MOV10L1: variants seen among roughly 807,000 people sequenced by gnomAD.
MOV10L1 encodes Mov10 like RNA helicase 1.
MOV10L1 carries 110 observed loss-of-function variants against 143.8 expected under a neutral mutation model. The ratio of observed to expected loss-of-function variants is 0.76; its 90% CI spans 0.66 to 0.90. The LOEUF (loss-of-function observed/expected upper bound fraction) is 0.90, where lower values mean the gene tolerates loss of function less well. Ranked by LOEUF, MOV10L1 falls within the 40% of genes least tolerant of loss-of-function variation. The pLI, the probability that MOV10L1 is intolerant of heterozygous loss-of-function variation, is 0.00. For synonymous variants in MOV10L1, 593 were observed against 581.1 expected, an observed-to-expected ratio of 1.02 and a Z score of -0.29; for missense variants, 1,406 against 1,526.8, an observed-to-expected ratio of 0.92 and a Z score of 1.32.
At chr22:50,119,988 T>C (rs2062293407) in intron 9 of MOV10L1, among the ~76,000 whole-genome samples, 1 of 152,182 alleles carries the variant, frequency 6.6e-6, no homozygotes, top group Non-Finnish European at 1.5e-5. Context: ...GCATTGGGCT[T>C]GGCTCCAGAG....
At chr22:50,129,577 G>T (rs1188132274) in intron 13 of MOV10L1, among the ~76,000 whole-genome samples, 2 of 152,190 alleles carry the variant, frequency 1.3e-5, no homozygotes, top group East Asian at 3.8e-4. Context: ...TCCTAGAGCT[G>T]CTGTGTATGT....
At chr22:50,100,766 A>C (rs965297430) in intron 3 of MOV10L1, among the ~76,000 whole-genome samples, 1 of 152,134 alleles carries the variant, frequency 6.6e-6, no homozygotes, top group Admixed American at 6.5e-5. Flanking sequence ...TGGCCTCCCA[A>C]AGTGCTGGGA....
intron 19 of MOV10L1, among the ~76,000 whole-genome samples, chr22:50,146,133 G>A (rs1361146625): frequency 6.6e-6 from 1 of 152,174 alleles, no homozygotes. Context: ...CGGCCTGAAA[G>A]GGGTGGTGAG....
intron 18 of MOV10L1, 136 bp from the exon 19 acceptor site, chr22:50,145,553 T>G: frequency 9.3e-7 from 1 of 1,073,886 alleles, no homozygotes; most frequent in Non-Finnish European, 1.4e-6. Flanking sequence ...GATAAGGAAG[T>G]ATGAGATATT....
chr22:50,126,278 A>G lies in MOV10L1; in HGVS notation c.1818+6A>G. 6.2e-7 allele frequency: 1 copy of G among 1,605,892 alleles called. No homozygotes were observed. The highest frequency in any genetic ancestry group is 8.5e-7 in the Non-Finnish European group (1 of 1,172,626). On this transcript the variant is annotated splice_donor_region_variant and intron_variant, in intron 12 of 26. Coordinates refer to ENST00000262794, the MANE Select transcript of MOV10L1 (RefSeq NM_018995.3). Reference sequence around the variant, plus strand: ...ACATCAGCTACGTGACTGAGGTGAGAGCACTCTCTCTTAATGAGTTTGTGT... The same window carrying G: ...ACATCAGCTACGTGACTGAGGTGAGGGCACTCTCTCTTAATGAGTTTGTGT...
rs772139085 is a variant in MOV10L1 at position 50,150,735 on chromosome 22, A to T, written c.2728A>T (p.Ile910Phe). Residue 910 changes from isoleucine to phenylalanine, a missense_variant and splice_region_variant, in exon 21 of 27, where the codon ATC (isoleucine) becomes TTC (phenylalanine). Ile to Phe is a conservative substitution (Grantham distance 21). This residue lies in a region of MOV10L1 where 1,233 missense variants were observed against 1,351.4 expected (regional missense o/e 0.91). Transcript: ENST00000262794. ...GCTGAGACGGGCCCTCTGTGTGCAG[A>T]TCGTGCTGGCAGGAGACCCCATGCA... ...LGLMSDISGQ[I>F]VLAGDPMQLG... is the part of the protein sequence containing the mutation. The T allele has an allele frequency of 1.9e-6, 3 of 1,613,586 alleles. No individual in the cohort carries two copies. The highest frequency in any genetic ancestry group is 2.5e-6 in the Non-Finnish European group (3 of 1,179,872).
At chr22:50,129,391 G>A (rs1356408019) in intron 13 of MOV10L1, among the ~76,000 whole-genome samples, 1 of 152,166 alleles carries the variant, frequency 6.6e-6, no homozygotes, top group Admixed American at 6.5e-5. Flanking sequence ...CTTTAGAAAA[G>A]GAGTAACTTG....
chr22:50,134,683 G>A (rs1175984475), intron 15 of MOV10L1, 53 bp downstream of exon 15: 3 of 1,518,342 alleles, frequency 2.0e-6, no homozygotes, highest in Non-Finnish European at 2.7e-6. Context: ...CAGCGACGTG[G>A]CTGTCTTTAC....
intron 22 of MOV10L1, among the ~76,000 whole-genome samples, chr22:50,153,600 G>C (rs960218761): frequency 1.3e-5 from 2 of 152,202 alleles, no homozygotes; most frequent in African/African-American, 4.8e-5. Flanking sequence ...CCCTCCCGGT[G>C]CTTCCCTCGA....
chr22:50,160,963 G>T lies in MOV10L1; in HGVS notation c.3463-1G>T. The T allele has an allele frequency of 6.2e-7, 1 of 1,614,128 alleles. No homozygotes were observed. Among genetic ancestry groups the T allele is most frequent in the Non-Finnish European group, 8.5e-7 (1 of 1,180,004 alleles). ...ACCAGGCTAATTGTTATTGCCAACA[G>T]GACCCCTGTTTTGGTGCTTTGCTGG... On this transcript the variant is annotated splice_acceptor_variant, in intron 25 of 26. Transcript: ENST00000262794. LOFTEE classifies it high-confidence loss of function.
At chr22:50,102,090 G>A (rs2061759380) in intron 3 of MOV10L1, among the ~76,000 whole-genome samples, 3 of 152,178 alleles carry the variant, frequency 2.0e-5, no homozygotes, top group Admixed American at 2.0e-4. Flanking sequence ...GGGATCCGGA[G>A]CCCAGGCCAA....
intron 19 of MOV10L1, chr22:50,147,293 G>A (rs375844384): frequency 0.097 from 14,697 of 150,994 alleles, 683 homozygotes; most frequent in Middle Eastern, 0.19. Context: ...TCTCAGAGGC[G>A]CTCTGTGCAG....
At chr22:50,132,625 G>A (rs998770276) in intron 13 of MOV10L1, among the ~76,000 whole-genome samples, 2 of 152,198 alleles carry the variant, frequency 1.3e-5, no homozygotes, top group Non-Finnish European at 2.9e-5. Flanking sequence ...TTTATAAAAA[G>A]CAATTGATTT....
chr22:50,114,317 T>C (rs956179206), intron 6 of MOV10L1, 64 bp from the exon 7 acceptor site: 1 of 1,568,494 alleles, frequency 6.4e-7, no homozygotes, highest in African/African-American at 1.4e-5. Flanking sequence ...TTGTGTTTTA[T>C]GATAACTGAA....
intron 3 of MOV10L1, among the ~76,000 whole-genome samples, chr22:50,107,340 G>A (rs1032287082): frequency 3.9e-5 from 6 of 152,184 alleles, no homozygotes; most frequent in African/African-American, 1.2e-4. Context: ...GGGATTACAG[G>A]CGTGAGCCAC....
intron 5 of MOV10L1, among the ~76,000 whole-genome samples, chr22:50,110,198 C>G (rs963049294): frequency 1.3e-5 from 2 of 151,834 alleles, no homozygotes; most frequent in African/African-American, 4.8e-5. Flanking sequence ...GCCCGTAATA[C>G]CAGCACTTTG....
chr22:50,144,985 C>A (rs917243834), intron 18 of MOV10L1, among the ~76,000 whole-genome samples: 1 of 152,052 alleles, frequency 6.6e-6, no homozygotes, highest in Non-Finnish European at 1.5e-5. Flanking sequence ...TCTTGTTGCC[C>A]AGGCTGGAGT....
intron 8 of MOV10L1, among the ~76,000 whole-genome samples, chr22:50,116,781 G>A (rs906209353): frequency 6.8e-6 from 1 of 146,770 alleles, no homozygotes; most frequent in East Asian, 2.1e-4. Context: ...TCAGCCTCCC[G>A]AGTAGCTGGA....
chr22:50,096,609 A>G (rs926937714), intron 2 of MOV10L1, among the ~76,000 whole-genome samples: 2 of 152,222 alleles, frequency 1.3e-5, no homozygotes, highest in African/African-American at 4.8e-5. Context: ...TGAGGCTGCC[A>G]CTTTTTCTGT....
Sources: gnomAD v4.1 joint callset for allele counts (sites outside exome capture counted in the v4.1 genomes callset) on GRCh38, gnomAD v4.1.1 for gene constraint, gnomAD v4.1.1 regional missense constraint, MANE v1.5 for transcripts, NCBI Gene and HGNC (gene_info 2026-07-23, HGNC 2026-07-21) for gene names.